CNTNAP2: variants seen among roughly 807,000 people sequenced by gnomAD.
The protein encoded by CNTNAP2 is contactin associated protein 2, also known as contactin-associated protein-like 2.
CNTNAP2 carries 98 observed loss-of-function variants against 155.2 expected under a neutral mutation model. The observed-to-expected ratio is 0.63, with a 90% confidence interval of 0.54 to 0.75. CNTNAP2 has a LOEUF of 0.75. Among genes scored for constraint, CNTNAP2 ranks in the 30% least tolerant of loss-of-function variants. The pLI is 0.00. For missense variants in CNTNAP2, 1,727 were observed against 1,688.1 expected (o/e 1.02, Z -0.40); for synonymous variants, 651 against 631.2 (o/e 1.03, Z -0.47).
At position 148,341,622 on chromosome 7, in the gene CNTNAP2, G is replaced by A. The variant is rs61043675; in HGVS notation, c.3476-42027G>A. Among the ~76,000 whole-genome samples, 1,502 of 152,204 alleles carry A rather than the reference G, an allele frequency of 9.9e-3. 24 individuals are homozygous for A. Among genetic ancestry groups the A allele is most frequent in the African/African-American group, 0.034 (1,422 of 41,528 alleles). On this transcript the variant is annotated intron_variant, in intron 21 of 23. Coordinates refer to ENST00000361727, the MANE Select transcript of CNTNAP2 (RefSeq NM_014141.6). ...AAGGTGGGGAGCAGAAGCCAGGTTGGTCTGACCCCTAAGCTCATGGTCTTT... is the reference window on the plus strand; with the variant it reads ...AAGGTGGGGAGCAGAAGCCAGGTTGATCTGACCCCTAAGCTCATGGTCTTT...
intron 3 of CNTNAP2, among the ~76,000 whole-genome samples, chr7:147,000,800 C>CA (rs1349794007): frequency 6.6e-6 from 1 of 152,096 alleles, no homozygotes; most frequent in Non-Finnish European, 1.5e-5. Flanking sequence ...GTCTAAATCC[C>CA]ATGACCTCTG....
At chr7:146,957,092 A>T (rs1010354852) in intron 3 of CNTNAP2, among the ~76,000 whole-genome samples, 2 of 152,096 alleles carry the variant, frequency 1.3e-5, no homozygotes, top group African/African-American at 2.4e-5. Flanking sequence ...CATAGTGTAA[A>T]TATCACAGAG....
At chr7:147,929,137 G>A (rs561713375) in intron 14 of CNTNAP2, among the ~76,000 whole-genome samples, 1 of 131,312 alleles carries the variant, frequency 7.6e-6, no homozygotes, top group South Asian at 2.7e-4. Context: ...ATCTTTATAT[G>A]TGATCTGTTT....
chr7:146,978,858 G>A (rs1797961435), intron 3 of CNTNAP2, among the ~76,000 whole-genome samples: 1 of 152,216 alleles, frequency 6.6e-6, no homozygotes, highest in Non-Finnish European at 1.5e-5. Flanking sequence ...TGGGGAAAAT[G>A]AATGAGAAAA....
intron 3 of CNTNAP2, among the ~76,000 whole-genome samples, chr7:146,893,724 T>C (rs187096595): frequency 2.6e-5 from 4 of 152,134 alleles, no homozygotes; most frequent in Non-Finnish European, 5.9e-5. Context: ...TAGGATAGTC[T>C]TCAAGGAATC....
chr7:147,134,530 TAC>T (rs1424257653), intron 8 of CNTNAP2, among the ~76,000 whole-genome samples: 2 of 151,534 alleles, frequency 1.3e-5, no homozygotes, highest in East Asian at 3.9e-4. Context: ...CAGACATACA[TAC>T]ACACATACAT....
intron 1 of CNTNAP2, among the ~76,000 whole-genome samples, chr7:146,678,766 T>C (rs1292498747): frequency 6.6e-6 from 1 of 152,212 alleles, no homozygotes; most frequent in African/African-American, 2.4e-5. Context: ...TCCTTTTGTA[T>C]AGACAATTAA....
At chr7:146,248,634 A>T (rs2116939691) in intron 1 of CNTNAP2, among the ~76,000 whole-genome samples, 1 of 152,170 alleles carries the variant, frequency 6.6e-6, no homozygotes, top group African/African-American at 2.4e-5. Flanking sequence ...ATGGTGAGGG[A>T]GGTTGGAGAA....
intron 13 of CNTNAP2, among the ~76,000 whole-genome samples, chr7:147,713,952 C>T (rs917680431): frequency 4.6e-5 from 7 of 152,084 alleles, no homozygotes; most frequent in South Asian, 2.1e-4. Context: ...AGATGCTTAA[C>T]GAATATTTGC....
In CNTNAP2 at chr7:147,107,841, A is replaced by C. The variant is rs367580087; in HGVS notation, c.551-306A>C. Among the ~76,000 whole-genome samples the C allele has an allele frequency of 5.9e-5, 9 of 152,264 alleles. No homozygotes were observed. In the East Asian group the frequency reaches 1.3e-3, roughly 23 times the overall value. Reference sequence around the variant, plus strand: ...TTTAAAAATTTTACGATTTTGGTCTAAACTCTAGATTTCTAAGTTAAGATT... The same window carrying C: ...TTTAAAAATTTTACGATTTTGGTCTCAACTCTAGATTTCTAAGTTAAGATT... On this transcript the variant is annotated intron_variant, in intron 4 of 23. Transcript: ENST00000361727.
chr7:146,825,928 A>G (rs1803391693), intron 2 of CNTNAP2, among the ~76,000 whole-genome samples: 1 of 152,136 alleles, frequency 6.6e-6, no homozygotes, highest in African/African-American at 2.4e-5. Context: ...ATTTGTACAC[A>G]TTGTTTTGCA....
chr7:147,688,194 T>G (rs1796040407), intron 13 of CNTNAP2, among the ~76,000 whole-genome samples: 1 of 152,136 alleles, frequency 6.6e-6, no homozygotes, highest in South Asian at 2.1e-4. Flanking sequence ...CTGGGAAGGC[T>G]GTTCTTATCA....
At chr7:147,215,341 T>C (rs1803244787) in intron 8 of CNTNAP2, among the ~76,000 whole-genome samples, 1 of 152,172 alleles carries the variant, frequency 6.6e-6, no homozygotes, top group Non-Finnish European at 1.5e-5. Context: ...AAATCTGCCA[T>C]GCTGTATCTA....
chr7:146,422,823 A>C (rs953479417), intron 1 of CNTNAP2, among the ~76,000 whole-genome samples: 1 of 152,126 alleles, frequency 6.6e-6, no homozygotes, highest in Non-Finnish European at 1.5e-5. Flanking sequence ...TAGTCTGCCC[A>C]TTCAAAAGAG....
intron 21 of CNTNAP2, among the ~76,000 whole-genome samples, chr7:148,308,381 T>C (rs1054061718): frequency 1.3e-5 from 2 of 152,028 alleles, no homozygotes; most frequent in Non-Finnish European, 2.9e-5. Context: ...TCTCAACAAC[T>C]ACAGAAAGCT....
chr7:147,653,979 A>G (rs10244236), intron 13 of CNTNAP2, among the ~76,000 whole-genome samples: 38,794 of 152,216 alleles, frequency 0.25, 7,520 homozygotes, highest in African/African-American at 0.55. Flanking sequence ...GTATACCAAA[A>G]GAAGCTTAAT....
chr7:146,733,706 AAGAAAT>A (rs1350503153), intron 1 of CNTNAP2, among the ~76,000 whole-genome samples: 5 of 152,100 alleles, frequency 3.3e-5, no homozygotes, highest in Non-Finnish European at 7.4e-5. Flanking sequence ...AGGACTGAGA[AAGAAAT>A]ATAAATGAGG....
At chr7:148,280,599 G>A (rs1466249787) in intron 21 of CNTNAP2, among the ~76,000 whole-genome samples, 3 of 152,050 alleles carry the variant, frequency 2.0e-5, no homozygotes, top group African/African-American at 7.2e-5. Context: ...ATTCTACAAT[G>A]GACTCAATTA....
intron 11 of CNTNAP2, among the ~76,000 whole-genome samples, chr7:147,556,215 T>C (rs563132622): frequency 3.9e-5 from 6 of 152,306 alleles, no homozygotes; most frequent in South Asian, 2.1e-4. Context: ...TAATATACCT[T>C]GTGTTCATCC....
Sources: allele counts gnomAD v4.1 joint callset (sites outside exome capture counted in the v4.1 genomes callset), GRCh38; gene constraint gnomAD v4.1.1; transcripts MANE v1.5; gene names NCBI Gene and HGNC (gene_info 2026-07-23, HGNC 2026-07-21).